The following TOP1MT variants were observed in gnomAD, a reference collection of about 807,000 sequenced individuals.
TOP1MT encodes DNA topoisomerase I, mitochondrial.
TOP1MT carries 80 observed loss-of-function variants against 73.9 expected under a neutral mutation model. The ratio of observed to expected loss-of-function variants is 1.08; its 90% CI spans 0.90 to 1.30. The LOEUF (loss-of-function observed/expected upper bound fraction) is 1.30. TOP1MT is among the 50% of genes most tolerant of loss of function. The probability of loss-of-function intolerance (pLI) is 0.00; values close to 1 mark genes in which losing one functional copy is unlikely to be tolerated. For synonymous variants in TOP1MT, 338 were observed against 326.4 expected (o/e 1.04, Z -0.38); for missense variants, 815 against 808.0 (o/e 1.01, Z -0.10).
intron 3 of TOP1MT, among the ~76,000 whole-genome samples, chr8:143,328,877 G>A (rs1483557222): frequency 1.3e-5 from 2 of 152,184 alleles, no homozygotes; most frequent in African/African-American, 4.8e-5. Flanking sequence ...AATCAGTCAG[G>A]CCATGGGCGA....
chr8:143,355,698 C>T (rs1286922499), intron 1 of TOP1MT, among the ~76,000 whole-genome samples: 2 of 152,134 alleles, frequency 1.3e-5, no homozygotes, highest in African/African-American at 4.8e-5. Context: ...ACATCTGGGC[C>T]CCCGACACGA....
upstream of TOP1MT, among the ~76,000 whole-genome samples, chr8:143,347,398 G>A (rs183218905): frequency 9.9e-5 from 15 of 152,004 alleles, no homozygotes; most frequent in East Asian, 1.6e-3. Flanking sequence ...CTCGTGATCC[G>A]CCCGCCTTGG....
Position 143,320,039 on chromosome 8 carries a change from G to A in TOP1MT, c.1146+1162C>T, listed in dbSNP as rs1166812420. Among the ~76,000 whole-genome samples, 7 of 151,884 alleles carry A rather than the reference G, an allele frequency of 4.6e-5. No individual in the cohort carries two copies. The East Asian group carries it at 9.8e-4, about 21-fold the overall frequency. On this transcript the variant is annotated intron_variant, in intron 8 of 13. Transcript: ENST00000329245. Reference sequence around the variant, plus strand: ...CTCGGGAGGCTGAGGCAGGAGAATCGCTTGAACCCAGGAGGCGGAGGTCGC... The same window carrying A: ...CTCGGGAGGCTGAGGCAGGAGAATCACTTGAACCCAGGAGGCGGAGGTCGC...
chr8:143,320,981 T>A (rs1233754263), intron 8 of TOP1MT, among the ~76,000 whole-genome samples: 29 of 152,130 alleles, frequency 1.9e-4, no homozygotes, highest in Admixed American at 1.9e-3. Flanking sequence ...ACACGTGCCC[T>A]TTTCAGCCCC....
At chr8:143,345,457 G>A (rs1817204862), upstream of TOP1MT, among the ~76,000 whole-genome samples, 1 of 152,264 alleles carries the variant, frequency 6.6e-6, no homozygotes, top group Non-Finnish European at 1.5e-5. Context: ...CACAGACACA[G>A]AGAAGCAGGC....
At position 143,317,948 on chromosome 8, in the gene TOP1MT, G is replaced by C. The variant is rs975698801; in HGVS notation, c.1215+70C>G. On this transcript the variant is annotated intron_variant, in intron 9 of 13. Transcript: ENST00000329245. ...TGGGTCAGGACAAAACCCTGGGCCAGACTCAGCGCCCACGCCCTCTCACTG... is the reference window on the plus strand; with the variant it reads ...TGGGTCAGGACAAAACCCTGGGCCACACTCAGCGCCCACGCCCTCTCACTG... 7 of 1,594,596 alleles carry C rather than the reference G, an allele frequency of 4.4e-6. No homozygotes were observed. The African/African-American group carries it at 6.7e-5, about 15-fold the overall frequency.
intron 1 of TOP1MT, among the ~76,000 whole-genome samples, chr8:143,354,835 T>C (rs1470547120): frequency 6.6e-6 from 1 of 151,696 alleles, no homozygotes; most frequent in Non-Finnish European, 1.5e-5. Flanking sequence ...CCGGGGCTGC[T>C]GCATGGTCAG....
At chr8:143,323,971 G>T in intron 7 of TOP1MT, 28 bp downstream of exon 7, 1 of 1,609,056 alleles carries the variant, frequency 6.2e-7, no homozygotes, top group South Asian at 1.1e-5. Flanking sequence ...AGGATGAAGA[G>T]CCGCCAGGAA....
chr8:143,318,910 G>A (rs1368315384), intron 8 of TOP1MT, among the ~76,000 whole-genome samples: 3 of 152,180 alleles, frequency 2.0e-5, no homozygotes, highest in East Asian at 1.9e-4. Context: ...TGATCTTGAC[G>A]AGGCTTTATG....
upstream of TOP1MT, among the ~76,000 whole-genome samples, chr8:143,347,840 C>G (rs2130445532): frequency 6.6e-6 from 1 of 152,306 alleles, no homozygotes; most frequent in East Asian, 1.9e-4. Context: ...TTGAGCCCCA[C>G]AGCAGGCCAG....
At chr8:143,340,998 G>A (rs1018010728) in intron 2 of TOP1MT, among the ~76,000 whole-genome samples, 1 of 152,054 alleles carries the variant, frequency 6.6e-6, no homozygotes, top group Non-Finnish European at 1.5e-5. Context: ...TCCTGGCCAC[G>A]CTTCGCACCT....
In TOP1MT at chr8:143,324,579, C is replaced by A. The variant is rs139094265; in HGVS notation, c.722G>T (p.Arg241Leu). ...PPAGHQWKEV[R>L]SDNTVTWLAA... ...CAGCCACGTGACGGTGTTATCGGAG[C>A]GCACCTCCTTCCACTGGTGCCCCGC... The change falls in exon 6 of 14, where the codon CGC (arginine) becomes CTC (leucine). Residue 241 changes from arginine (R) to leucine (L), a missense_variant. Coordinates refer to ENST00000329245, the MANE Select transcript of TOP1MT (RefSeq NM_052963.3). The A allele has an allele frequency of 6.2e-6, 10 of 1,613,600 alleles. No homozygotes were observed. The highest frequency in any genetic ancestry group is 8.5e-6 in the Non-Finnish European group (10 of 1,180,026).
At chr8:143,316,525 GGTCCCTGCCTGTC>G in intron 10 of TOP1MT, among the ~76,000 whole-genome samples, 7 of 49,546 alleles carry the variant, frequency 1.4e-4, no homozygotes, top group Non-Finnish European at 1.1e-4. Flanking sequence ...CGAGTCTGTG[GGTCCCTGCCTGTC>G]ACAAGTCCCC....
chr8:143,321,252 G>A lies in TOP1MT; in HGVS notation c.1095C>T (p.Phe365=), dbSNP rs1293473188. The change falls in exon 8 of 14, where the codon TTC becomes TTT. Residue 365 remains phenylalanine (F), a synonymous_variant. Transcript: ENST00000329245. ...AGTAGCGGATGCAGTCCTTCCCCAGGAAGTCAAATTCCACCACGTGTTGGC... is the reference window on the plus strand; with the variant it reads ...AGTAGCGGATGCAGTCCTTCCCCAGAAAGTCAAATTCCACCACGTGTTGGC... The part of the protein sequence containing the change: ...DGCQHVVEFD[F]LGKDCIRYYN... 2.5e-6 allele frequency: 4 copies of A among 1,612,394 alleles called. No individual in the cohort carries two copies. The highest frequency in any genetic ancestry group is 3.4e-6 in the Non-Finnish European group (4 of 1,179,100).
At chr8:143,347,963 G>A (rs1345338019), upstream of TOP1MT, among the ~76,000 whole-genome samples, 1 of 152,214 alleles carries the variant, frequency 6.6e-6, no homozygotes, top group East Asian at 1.9e-4. Context: ...GTGAGGAGGG[G>A]TGGCTGCCAT....
At chr8:143,351,344 G>A (rs1458455545) in intron 1 of TOP1MT, among the ~76,000 whole-genome samples, 1 of 152,146 alleles carries the variant, frequency 6.6e-6, no homozygotes, top group Non-Finnish European at 1.5e-5. Context: ...AGGCCAAGGT[G>A]GGTGGATCAC....
At chr8:143,326,615 G>C (rs534153383) in intron 3 of TOP1MT, among the ~76,000 whole-genome samples, 1 of 152,322 alleles carries the variant, frequency 6.6e-6, no homozygotes, top group African/African-American at 2.4e-5. Flanking sequence ...CAACAAGTCA[G>C]TAGTAAAACT....
chr8:143,327,091 A>C (rs1337460393), intron 3 of TOP1MT, among the ~76,000 whole-genome samples: 2 of 152,202 alleles, frequency 1.3e-5, no homozygotes, highest in African/African-American at 4.8e-5. Context: ...ATCAGCTCCT[A>C]AAGGCCCTCC....
upstream of TOP1MT, among the ~76,000 whole-genome samples, chr8:143,348,305 AC>A (rs1337046467): frequency 1.3e-5 from 2 of 152,186 alleles, no homozygotes; most frequent in Non-Finnish European, 2.9e-5. The surrounding 1 kb of genome is among the most constrained non-coding windows in gnomAD (Gnocchi z 4.6). Context: ...GGGTGGTAAG[AC>A]CATGAGACCA....
Sources: gnomAD v4.1 joint callset for allele counts (sites outside exome capture counted in the v4.1 genomes callset) on GRCh38, gnomAD v4.1.1 for gene constraint, Gnocchi (gnomAD v3.1) non-coding constraint, MANE v1.5 for transcripts, NCBI Gene and HGNC (gene_info 2026-07-23, HGNC 2026-07-21) for gene names.